The following CTNND2 variants were observed in gnomAD, a reference collection of about 807,000 sequenced individuals.
The protein encoded by CTNND2 is catenin delta-2.
A neutral mutation model predicts 144.4 loss-of-function variants in CTNND2; 22 were observed. The ratio of observed to expected loss-of-function variants is 0.15; its 90% confidence interval spans 0.11 to 0.22. CTNND2 has a LOEUF of 0.22. Ranked by LOEUF, CTNND2 falls within the 10% of genes least tolerant of loss-of-function variation. CTNND2 has a pLI of 1.00. For synonymous variants in CTNND2, 751 were observed against 695.6 expected, an observed-to-expected ratio of 1.08 and a Z score of -1.25; for missense variants, 1,353 against 1,618.8, an observed-to-expected ratio of 0.84 and a Z score of 2.82.
intron 9 of CTNND2, among the ~76,000 whole-genome samples, chr5:11,239,343 G>A (rs1741973310): frequency 6.6e-6 from 1 of 152,214 alleles, no homozygotes; most frequent in Admixed American, 6.5e-5. Context: ...ACTCATGAGT[G>A]CAGAAGGGAT....
chr5:11,227,529 G>A (rs1740492083), intron 10 of CTNND2, among the ~76,000 whole-genome samples: 1 of 152,176 alleles, frequency 6.6e-6, no homozygotes, highest in Non-Finnish European at 1.5e-5. Context: ...TGATTCAAAG[G>A]TAGTTGACTG....
At position 11,903,147 on chromosome 5, in the gene CTNND2, C is replaced by T. The variant is rs61760259; in HGVS notation, c.37+670G>A. On this transcript the variant is annotated intron_variant, in intron 1 of 21. Transcript: ENST00000304623. The surrounding 1 kb of genome is among the most constrained non-coding windows in gnomAD (Gnocchi z 5.4). Reference sequence around the variant, plus strand: ...CCCCAATTTTGCATCGCTCATCTCCCATACACACGCACAGCCTTCCAAACC... The same window carrying T: ...CCCCAATTTTGCATCGCTCATCTCCTATACACACGCACAGCCTTCCAAACC... The T allele has an allele frequency of 1.5e-3, 1,431 of 976,262 alleles. 13 individuals are homozygous for T. In the African/African-American group the frequency reaches 0.016, roughly 11 times the overall value. 60.5% of individuals were successfully genotyped at this position (976,262 alleles called of 1,614,324 possible). A position where few individuals can be genotyped will look rare whatever the true frequency, so the allele number is the denominator to read the frequency against.
At chr5:11,484,207 T>C (rs1281190311) in intron 3 of CTNND2, among the ~76,000 whole-genome samples, 1 of 152,186 alleles carries the variant, frequency 6.6e-6, no homozygotes, top group Admixed American at 6.5e-5. Flanking sequence ...TCTCACTCAA[T>C]ATTCAACGAT....
At chr5:11,622,671 C>T (rs1366770921) in intron 2 of CTNND2, among the ~76,000 whole-genome samples, 2 of 152,036 alleles carry the variant, frequency 1.3e-5, no homozygotes, top group African/African-American at 2.4e-5. Flanking sequence ...GGCAAATCTG[C>T]CCCCACAAAA....
intron 1 of CTNND2, among the ~76,000 whole-genome samples, chr5:11,830,739 G>A (rs1225119242): frequency 6.6e-6 from 1 of 152,126 alleles, no homozygotes; most frequent in Non-Finnish European, 1.5e-5. Context: ...GAAAATGGAG[G>A]AAGCTGGGAA....
In CTNND2 at chr5:11,851,377, C is replaced by T. The variant is rs75547237; in HGVS notation, c.37+52440G>A. Among the ~76,000 whole-genome samples the T allele has an allele frequency of 8.2e-3, 1,244 of 152,226 alleles. 26 individuals are homozygous for T. Among genetic ancestry groups the T allele is most frequent in the African/African-American group, 0.028 (1,164 of 41,518 alleles). On this transcript the variant is annotated intron_variant, in intron 1 of 21. Transcript: ENST00000304623. ...CAAAAAGATCTTGGCTGAAACTCTA[C>T]CTTTCAGGAGAAGAAAGGTCTTTAC... is the stretch of plus-strand genomic sequence containing the variant.
chr5:11,260,589 C>T (rs1041339538), intron 9 of CTNND2, among the ~76,000 whole-genome samples: 5 of 152,084 alleles, frequency 3.3e-5, no homozygotes, highest in Admixed American at 2.0e-4. Context: ...ATCCCACAGT[C>T]GAAGGGGAAA....
chr5:11,675,755 T>C (rs1784142221), intron 2 of CTNND2, among the ~76,000 whole-genome samples: 1 of 152,050 alleles, frequency 6.6e-6, no homozygotes, highest in African/African-American at 2.4e-5. Flanking sequence ...TATATATGTG[T>C]GTGTATATAT....
At chr5:11,329,087 T>G (rs955128246) in intron 9 of CTNND2, among the ~76,000 whole-genome samples, 2 of 152,192 alleles carry the variant, frequency 1.3e-5, no homozygotes, top group Non-Finnish European at 2.9e-5. Flanking sequence ...CACCTCTTCC[T>G]CTTCTTATAA....
intron 2 of CTNND2, among the ~76,000 whole-genome samples, chr5:11,710,537 C>T (rs1280814746): frequency 7.5e-6 from 1 of 133,868 alleles, no homozygotes; most frequent in African/African-American, 2.9e-5. Context: ...GAGACTCCAT[C>T]TCAAAAAAAA....
chr5:11,456,452 G>C (rs1436606887), intron 3 of CTNND2, among the ~76,000 whole-genome samples: 4 of 149,038 alleles, frequency 2.7e-5, no homozygotes, highest in African/African-American at 9.9e-5. Flanking sequence ...TTTCACATCT[G>C]TGTCCAGACA....
At chr5:11,372,785 T>G (rs1715997129) in intron 7 of CTNND2, among the ~76,000 whole-genome samples, 1 of 152,242 alleles carries the variant, frequency 6.6e-6, no homozygotes, top group Admixed American at 6.5e-5. Flanking sequence ...GTTCTTCATT[T>G]TTAGCAAGTT....
chr5:11,270,395 C>T (rs1745875098), intron 9 of CTNND2, among the ~76,000 whole-genome samples: 1 of 150,738 alleles, frequency 6.6e-6, no homozygotes, highest in African/African-American at 2.4e-5. Context: ...CCACACATAA[C>T]AACTATGTAA....
intron 5 of CTNND2, among the ~76,000 whole-genome samples, chr5:11,399,621 T>C (rs552336273): frequency 2.6e-5 from 4 of 152,334 alleles, no homozygotes; most frequent in African/African-American, 7.2e-5. Context: ...GCTCCCAGAA[T>C]ATATATGATA....
intron 9 of CTNND2, among the ~76,000 whole-genome samples, chr5:11,333,195 T>C (rs765941920): frequency 6.6e-6 from 1 of 152,262 alleles, no homozygotes; most frequent in Non-Finnish European, 1.5e-5. Flanking sequence ...ATATGTATAC[T>C]GTATACTACA....
intron 3 of CTNND2, among the ~76,000 whole-genome samples, chr5:11,442,494 A>G (rs2149895092): frequency 6.6e-6 from 1 of 152,222 alleles, no homozygotes; most frequent in East Asian, 1.9e-4. Flanking sequence ...ACTACAAAGC[A>G]TTCATTTACT....
chr5:11,534,960 G>A (rs1165706216), intron 3 of CTNND2, among the ~76,000 whole-genome samples: 1 of 151,888 alleles, frequency 6.6e-6, no homozygotes, highest in Non-Finnish European at 1.5e-5. Context: ...GCTGAGGCAG[G>A]TGGATCACCT....
intron 11 of CTNND2, 152 bp from the exon 12 acceptor site, chr5:11,159,911 C>T (rs1580451150): frequency 1.7e-5 from 9 of 542,904 alleles, no homozygotes; most frequent in Middle Eastern, 3.2e-4. Context: ...TTAGAACATT[C>T]GTGTGAACCC....
intron 11 of CTNND2, among the ~76,000 whole-genome samples, chr5:11,161,456 T>C (rs1758761615): frequency 6.6e-6 from 1 of 152,246 alleles, no homozygotes; most frequent in Admixed American, 6.5e-5. Context: ...AATATTAACA[T>C]ATGCATCTAT....
Sources: gnomAD v4.1 joint callset for allele counts (sites outside exome capture counted in the v4.1 genomes callset) on GRCh38, gnomAD v4.1.1 for gene constraint, Gnocchi (gnomAD v3.1) non-coding constraint, MANE v1.5 for transcripts, NCBI Gene and HGNC (gene_info 2026-07-23, HGNC 2026-07-21) for gene names.